SGCD: variants seen among roughly 807,000 people sequenced by gnomAD.
SGCD encodes delta-sarcoglycan.
In SGCD, 18 loss-of-function variants were observed where a neutral mutation model predicts 36.6. That is an observed-to-expected ratio of 0.49 (90% CI 0.34 to 0.73). The LOEUF is 0.73. Ranked by LOEUF, SGCD falls within the 30% of genes least tolerant of loss-of-function variation. The pLI is 0.01. For synonymous variants in SGCD, 133 were observed against 130.6 expected (o/e 1.02, Z -0.12); for missense variants, 387 against 346.7 (o/e 1.12, Z -0.92).
intron 1 of SGCD, among the ~76,000 whole-genome samples, chr5:155,875,098 A>C (rs925037359): frequency 1.3e-5 from 2 of 152,184 alleles, no homozygotes; most frequent in Non-Finnish European, 2.9e-5. Context: ...CTATTGATGC[A>C]AGCAATAGCA....
intron 4 of SGCD, among the ~76,000 whole-genome samples, chr5:156,584,963 A>G (rs1035344713): frequency 3.9e-5 from 6 of 152,168 alleles, no homozygotes; most frequent in Admixed American, 3.9e-4. Context: ...GGGTGCCAGG[A>G]ATATGTGGGG....
intron 7 of SGCD, among the ~76,000 whole-genome samples, chr5:156,717,386 A>G (rs1254689024): frequency 6.6e-6 from 1 of 152,114 alleles, no homozygotes; most frequent in African/African-American, 2.4e-5. Flanking sequence ...CTTCAAAACC[A>G]TGACGCTCCC....
At chr5:155,886,511 C>CGT (rs1215610850) in intron 1 of SGCD, among the ~76,000 whole-genome samples, 2 of 149,690 alleles carry the variant, frequency 1.3e-5, no homozygotes, top group Non-Finnish European at 3.0e-5. Context: ...CGCGCGCGTG[C>CGT]GTGTGTGTGT....
chr5:156,283,439 C>T (rs1341377474), intron 3 of SGCD, among the ~76,000 whole-genome samples: 1 of 152,114 alleles, frequency 6.6e-6, no homozygotes, highest in African/African-American at 2.4e-5. Flanking sequence ...CTTATTCTGC[C>T]ATCCATTCTT....
intron 3 of SGCD, among the ~76,000 whole-genome samples, chr5:156,194,620 T>G (rs116658154): frequency 0.015 from 2,313 of 152,164 alleles, 25 homozygotes; most frequent in Non-Finnish European, 0.025. Context: ...AATTAGAATT[T>G]GAATTGATTA....
At chr5:156,366,237 ACAT>A (rs1442672466) in intron 3 of SGCD, among the ~76,000 whole-genome samples, 3 of 152,210 alleles carry the variant, frequency 2.0e-5, no homozygotes, top group Non-Finnish European at 4.4e-5. Flanking sequence ...AGGAAGAGGA[ACAT>A]CATCCTGAGC....
At chr5:155,998,877 G>C (rs140171139) in intron 1 of SGCD, among the ~76,000 whole-genome samples, 104 of 152,266 alleles carry the variant, frequency 6.8e-4, no homozygotes, top group African/African-American at 2.4e-3. Context: ...TTCTTTGTTA[G>C]ATTTTCTCTG....
chr5:156,490,030 A>T (rs1044348415), intron 3 of SGCD, among the ~76,000 whole-genome samples: 1 of 152,022 alleles, frequency 6.6e-6, no homozygotes, highest in African/African-American at 2.4e-5. Context: ...AACAAAGGAG[A>T]CATTACAACT....
chr5:155,985,058 G>A (rs2127563106), intron 1 of SGCD, among the ~76,000 whole-genome samples: 1 of 152,284 alleles, frequency 6.6e-6, no homozygotes, highest in African/African-American at 2.4e-5. Context: ...AAACTTTAAT[G>A]ACCCTGGGTT....
chr5:156,424,010 C>T (rs896027579), intron 3 of SGCD, among the ~76,000 whole-genome samples: 1 of 151,928 alleles, frequency 6.6e-6, no homozygotes, highest in Non-Finnish European at 1.5e-5. Context: ...GATCCTACTC[C>T]TCTGTTCGTG....
chr5:156,082,269 G>GT (rs1760974228), intron 1 of SGCD, among the ~76,000 whole-genome samples: 1 of 145,940 alleles, frequency 6.9e-6, no homozygotes, highest in Non-Finnish European at 1.5e-5. Flanking sequence ...AGGCTGGTGG[G>GT]CGGGGGGGTC....
intron 1 of SGCD, among the ~76,000 whole-genome samples, chr5:155,947,933 G>GA (rs11412228): frequency 0.19 from 29,025 of 149,436 alleles, 3,343 homozygotes; most frequent in Admixed American, 0.38. Context: ...CTATAAAAGT[G>GA]AAAAAAAAAG....
chr5:155,842,773 A>G, the SGCD span, among the ~76,000 whole-genome samples: 1 of 151,632 alleles, frequency 6.6e-6, no homozygotes, highest in Non-Finnish European at 1.5e-5. Flanking sequence ...GTGTTTTAAT[A>G]TTTTTGTCAT....
At chr5:156,424,618 C>T (rs889376858) in intron 3 of SGCD, among the ~76,000 whole-genome samples, 16 of 151,918 alleles carry the variant, frequency 1.1e-4, no homozygotes, top group African/African-American at 2.7e-4. Flanking sequence ...TTATTGCATG[C>T]GTTTTTATTT....
intron 7 of SGCD, among the ~76,000 whole-genome samples, chr5:156,737,324 C>T (rs902075616): frequency 1.3e-5 from 2 of 152,140 alleles, no homozygotes; most frequent in Non-Finnish European, 2.9e-5. Flanking sequence ...ATCTACTCTG[C>T]TGCTAGCTGA....
At chr5:156,446,834 T>C (rs753063271) in intron 3 of SGCD, among the ~76,000 whole-genome samples, 5 of 152,154 alleles carry the variant, frequency 3.3e-5, no homozygotes, top group African/African-American at 1.2e-4. Context: ...TATAAAATCG[T>C]AGAATTTTAG....
intron 7 of SGCD, among the ~76,000 whole-genome samples, chr5:156,654,512 G>T (rs281042): frequency 2.0e-5 from 3 of 151,886 alleles, no homozygotes; most frequent in Admixed American, 1.3e-4. Flanking sequence ...CTTTGGGGGG[G>T]TCCAAACTTT....
intron 1 of SGCD, among the ~76,000 whole-genome samples, chr5:155,926,526 A>G (rs1006479152): frequency 2.1e-4 from 32 of 152,250 alleles, no homozygotes; most frequent in African/African-American, 7.7e-4. Context: ...AAGTAAAAGG[A>G]TATATCTTTT....
At chr5:156,139,784 G>A (rs951719176) in intron 3 of SGCD, among the ~76,000 whole-genome samples, 1 of 152,170 alleles carries the variant, frequency 6.6e-6, no homozygotes, top group Non-Finnish European at 1.5e-5. Context: ...GCTATGGTTC[G>A]AAGGATGATG....
Sources: allele counts gnomAD v4.1 joint callset (sites outside exome capture counted in the v4.1 genomes callset), GRCh38; gene constraint gnomAD v4.1.1; transcripts MANE v1.5; gene names NCBI Gene and HGNC (gene_info 2026-07-23, HGNC 2026-07-21).